LDLRAD3: variants seen among roughly 807,000 people sequenced by gnomAD.
LDLRAD3 encodes low-density lipoprotein receptor class A domain-containing protein 3.
In LDLRAD3, 20 loss-of-function variants were observed where a neutral mutation model predicts 29.4. The observed-to-expected ratio is 0.68, with a 90% CI of 0.48 to 0.99. The LOEUF is 0.99. Ranked by LOEUF, LDLRAD3 falls within the 50% of genes least tolerant of loss-of-function variation. The probability of loss-of-function intolerance (pLI) is 0.00; values close to 1 mark genes in which losing one functional copy is unlikely to be tolerated. For synonymous variants in LDLRAD3, 157 were observed against 192.7 expected (o/e 0.81, Z 1.53); for missense variants, 420 against 454.3 (o/e 0.92, Z 0.69).
At chr11:36,071,616 G>T (rs1226236315) in intron 2 of LDLRAD3, among the ~76,000 whole-genome samples, 1 of 152,198 alleles carries the variant, frequency 6.6e-6, no homozygotes, top group Non-Finnish European at 1.5e-5. Flanking sequence ...ACAGGTTTCA[G>T]GATAGCATAT....
chr11:36,158,983 A>T (rs1854395019), intron 4 of LDLRAD3, among the ~76,000 whole-genome samples: 1 of 152,206 alleles, frequency 6.6e-6, no homozygotes, highest in South Asian at 2.1e-4. Flanking sequence ...ATTATTATTA[A>T]CTATAGCTGC....
chr11:36,144,190 C>G (rs1179641821), intron 4 of LDLRAD3, among the ~76,000 whole-genome samples: 3 of 151,868 alleles, frequency 2.0e-5, no homozygotes, highest in African/African-American at 4.8e-5. Context: ...CTCGGCCTCC[C>G]GAGGTGCCGG....
intron 1 of LDLRAD3, among the ~76,000 whole-genome samples, chr11:36,024,686 T>G (rs893248960): frequency 7.2e-5 from 11 of 152,230 alleles, no homozygotes; most frequent in African/African-American, 2.4e-4. Context: ...GGTTTTTGAC[T>G]GTGCTCTGTG....
intron 4 of LDLRAD3, among the ~76,000 whole-genome samples, chr11:36,219,096 G>A (rs1411978154): frequency 2.0e-5 from 3 of 152,180 alleles, no homozygotes; most frequent in South Asian, 2.1e-4. Flanking sequence ...TCTGGGACAC[G>A]GCCACATTCA....
At chr11:36,085,640 T>G (rs1853184959) in intron 3 of LDLRAD3, among the ~76,000 whole-genome samples, 1 of 151,960 alleles carries the variant, frequency 6.6e-6, no homozygotes, top group South Asian at 2.1e-4. Context: ...AGGTCAGGGT[T>G]TCACTCCATC....
intron 2 of LDLRAD3, among the ~76,000 whole-genome samples, chr11:36,066,435 C>T (rs1475036121): frequency 6.6e-6 from 1 of 152,174 alleles, no homozygotes; most frequent in South Asian, 2.1e-4. Context: ...TTCCTCACCC[C>T]TCAAGATTTG....
intron 1 of LDLRAD3, among the ~76,000 whole-genome samples, chr11:35,969,098 G>A (rs973627486): frequency 2.0e-5 from 3 of 152,136 alleles, no homozygotes; most frequent in African/African-American, 4.8e-5. Flanking sequence ...TCAGGACACC[G>A]AAGCTCAGAG....
intron 4 of LDLRAD3, among the ~76,000 whole-genome samples, chr11:36,186,513 C>T (rs1455509545): frequency 6.6e-6 from 1 of 152,166 alleles, no homozygotes; most frequent in African/African-American, 2.4e-5. Context: ...ACATTCTTGC[C>T]AGACTGATTG....
At chr11:36,073,525 C>G (rs1385525532) in intron 2 of LDLRAD3, among the ~76,000 whole-genome samples, 1 of 152,250 alleles carries the variant, frequency 6.6e-6, no homozygotes, top group African/African-American at 2.4e-5. Flanking sequence ...ACCCCCCTTC[C>G]CCACAGCCCT....
chr11:36,050,792 G>A (rs1271885529), intron 2 of LDLRAD3, among the ~76,000 whole-genome samples: 4 of 152,054 alleles, frequency 2.6e-5, no homozygotes, highest in African/African-American at 9.7e-5. Flanking sequence ...CCACTAACTG[G>A]GTGGCTTATA....
chr11:36,051,438 G>A (rs1852526652), intron 2 of LDLRAD3, among the ~76,000 whole-genome samples: 1 of 152,206 alleles, frequency 6.6e-6, no homozygotes, highest in East Asian at 1.9e-4. Flanking sequence ...CTGTACCTCA[G>A]TTGCCACATC....
chr11:36,175,452 A>G lies in LDLRAD3; in HGVS notation c.455-51633A>G, dbSNP rs567104929. On this transcript the variant is annotated intron_variant, in intron 4 of 5. Transcript: ENST00000315571. ...CTTTTCAATGTAGGTATTTAATGCT[A>G]TGAACTTTCCTCTTAGCACTGCTTT... 8.1e-4 allele frequency among the ~76,000 whole-genome samples: 124 copies of G among 152,242 alleles called. 3 individuals are homozygous for G. The highest frequency in any genetic ancestry group is 2.9e-3 in the African/African-American group (121 of 41,542).
intron 4 of LDLRAD3, among the ~76,000 whole-genome samples, chr11:36,193,403 C>T (rs764465234): frequency 6.6e-6 from 1 of 152,218 alleles, no homozygotes; most frequent in Non-Finnish European, 1.5e-5. Context: ...ATCCTGCATA[C>T]AGTCGCCAGA....
intron 4 of LDLRAD3, among the ~76,000 whole-genome samples, chr11:36,167,966 CTG>C (rs1398493636): frequency 6.6e-6 from 1 of 152,164 alleles, no homozygotes; most frequent in African/African-American, 2.4e-5. Context: ...TTCAGAGTCA[CTG>C]TGGGTGGGAA....
intron 4 of LDLRAD3, among the ~76,000 whole-genome samples, chr11:36,116,195 T>C (rs191994795): frequency 1.2e-4 from 19 of 152,336 alleles, no homozygotes; most frequent in African/African-American, 4.3e-4. Context: ...CCATCAGAGC[T>C]ACCAGCCCAA....
chr11:36,199,758 TA>T, intron 4 of LDLRAD3, among the ~76,000 whole-genome samples: 1 of 152,332 alleles, frequency 6.6e-6, no homozygotes, highest in Admixed American at 6.5e-5. Context: ...TATTTTCCTT[TA>T]TATTCTCACA....
At chr11:36,037,878 C>G (rs1852324708) in intron 2 of LDLRAD3, among the ~76,000 whole-genome samples, 1 of 152,146 alleles carries the variant, frequency 6.6e-6, no homozygotes, top group African/African-American at 2.4e-5. Context: ...CTGAATTGAT[C>G]ACTATACACA....
chr11:35,982,782 T>C (rs901962504), intron 1 of LDLRAD3, among the ~76,000 whole-genome samples: 1 of 152,002 alleles, frequency 6.6e-6, no homozygotes, highest in African/African-American at 2.4e-5. Flanking sequence ...CCCATGTGCA[T>C]TCCATTCCTT....
intron 1 of LDLRAD3, among the ~76,000 whole-genome samples, chr11:36,018,909 TC>T (rs1852056819): frequency 6.6e-6 from 1 of 152,242 alleles, no homozygotes. Flanking sequence ...TTCATTTTTT[TC>T]TTGGTTTGTT....
Sources: allele counts gnomAD v4.1 joint callset (sites outside exome capture counted in the v4.1 genomes callset), GRCh38; gene constraint gnomAD v4.1.1; transcripts MANE v1.5; gene names NCBI Gene and HGNC (gene_info 2026-07-23, HGNC 2026-07-21).